The following ATM variants were observed in gnomAD, a reference collection of about 807,000 sequenced individuals.
ATM encodes the protein serine-protein kinase ATM.
A neutral mutation model predicts 387.0 loss-of-function variants in ATM; 308 were observed. The observed-to-expected ratio is 0.80, with a 90% confidence interval of 0.73 to 0.87. ATM has a LOEUF of 0.87. Ranked by LOEUF, ATM falls within the 40% of genes least tolerant of loss-of-function variation. The probability of loss-of-function intolerance (pLI) is 0.00; values close to 1 mark genes in which losing one functional copy is unlikely to be tolerated. For missense variants in ATM, 3,312 were observed against 3,560.9 expected, an observed-to-expected ratio of 0.93 and a Z score of 1.78; for synonymous variants, 1,156 against 1,187.3, an observed-to-expected ratio of 0.97 and a Z score of 0.54.
chr11:108,259,430 G>T (rs2080725764), intron 16 of ATM, among the ~76,000 whole-genome samples: 1 of 152,178 alleles, frequency 6.6e-6, no homozygotes, highest in Non-Finnish European at 1.5e-5. Flanking sequence ...AGGTTGCAGT[G>T]AGCGAAGATC....
In ATM at chr11:108,229,223, A is replaced by G. The variant is rs2135034439; in HGVS notation, c.231A>G (p.Ile77Met). 1 of 1,613,648 alleles carries G rather than the reference A, an allele frequency of 6.2e-7. No homozygotes were observed. The highest frequency in any genetic ancestry group is 1.1e-5 in the South Asian group (1 of 90,922). Reference sequence around the variant, plus strand: ...AGAAAGAAACAGAATGTCTGAGAATAGCAAAACCAAATGTATCAGCCTCAA... The same window carrying G: ...AGAAAGAAACAGAATGTCTGAGAATGGCAAAACCAAATGTATCAGCCTCAA... ...YIQKETECLR[I>M]AKPNVSASTQ... is the part of the protein sequence containing the mutation. The change falls in exon 4 of 63, where the codon ATA (isoleucine) becomes ATG (methionine). Residue 77 changes from isoleucine (I) to methionine (M), a missense_variant. By Grantham distance (10) the Ile-to-Met change is conservative. Coordinates refer to ENST00000675843, the MANE Select transcript of ATM (RefSeq NM_000051.4).
chr11:108,289,531 A>T, intron 28 of ATM, 71 bp from the exon 29 acceptor site: 1 of 1,148,042 alleles, frequency 8.7e-7, no homozygotes, highest in Non-Finnish European at 1.2e-6. Flanking sequence ...TTGAAGAAAA[A>T]ATATAAAGTG....
rs199915459 is a variant in ATM, at chr11:108,331,989, A to C, written c.7740A>C (p.Arg2580Ser). 134 of 1,614,098 alleles carry C rather than the reference A, an allele frequency of 8.3e-5. No individual in the cohort carries two copies. In the Admixed American group the frequency reaches 9.0e-4, roughly 11 times the overall value. The change falls in exon 52 of 63, where the codon AGA (arginine) becomes AGC (serine). Residue 2580 changes from arginine (R) to serine (S), a missense_variant. Physicochemically the swap from Arg to Ser is moderately radical, Grantham distance 110. This residue lies in a region of ATM where 1,405 missense variants were observed against 1,604.4 expected (regional missense o/e 0.88). Transcript: ENST00000675843. ...EFLTKPEVAR[R>S]SRITKNVPKQ... is the part of the protein sequence containing the mutation. ...TGACTAAACCAGAGGTAGCCAGAAG[A>C]AGCAGAATAACTAAAAATGTGCCTA...
intron 56 of ATM, 61 bp from the exon 57 acceptor site, chr11:108,343,161 G>T (rs2136934854): frequency 6.3e-7 from 1 of 1,592,802 alleles, no homozygotes; most frequent in Non-Finnish European, 8.6e-7. Flanking sequence ...ATAGCTGAAT[G>T]ATCATCAAAT....
At chr11:108,287,818 C>G in intron 27 of ATM, 103 bp downstream of exon 27, 1 of 826,342 alleles carries the variant, frequency 1.2e-6, no homozygotes, top group Non-Finnish European at 1.9e-6. Context: ...ATAGACATCA[C>G]TCTTTTTAAA....
rs770590652 is a variant in ATM at position 108,292,759 on chromosome 11, C to A, written c.4577C>A (p.Pro1526His). The A allele has an allele frequency of 1.9e-6, 3 of 1,613,736 alleles. No individual in the cohort carries two copies. The highest frequency in any genetic ancestry group is 2.7e-5 in the African/African-American group (2 of 74,834). Residue 1526 changes from proline (P) to histidine (H), a missense_variant, in exon 30 of 63, where the codon CCC becomes CAC. Pro to His is a moderately conservative substitution (Grantham distance 77). This residue lies in a region of ATM where 1,791 missense variants were observed against 1,804.5 expected (regional missense o/e 0.99). Coordinates refer to ENST00000675843, the MANE Select transcript of ATM (RefSeq NM_000051.4). Reference sequence around the variant, plus strand: ...CATGTTATTGTTGGTACACTTATACCCCTTGTGTATGAGCAGGTGGAGGTT... The same window carrying A: ...CATGTTATTGTTGGTACACTTATACACCTTGTGTATGAGCAGGTGGAGGTT... Reference protein sequence around the residue: ...HLHVIVGTLIPLVYEQVEVQK... With the variant: ...HLHVIVGTLIHLVYEQVEVQK...
chr11:108,341,326 C>T (rs1423078372), intron 56 of ATM, among the ~76,000 whole-genome samples: 1 of 152,108 alleles, frequency 6.6e-6, no homozygotes, highest in Non-Finnish European at 1.5e-5. Flanking sequence ...AGGCCTCCGA[C>T]CATGTTGCCA....
chr11:108,310,143 A>G lies in ATM; in HGVS notation c.5763-17A>G. ...AGTTTAAAAAAGTGAATGACATTAT[A>G]TCTCATTTTTCTTTAGACCTTCTTC... On this transcript the variant is annotated splice_polypyrimidine_tract_variant and intron_variant, in intron 38 of 62. Transcript: ENST00000675843. 1.2e-6 allele frequency: 2 copies of G among 1,608,434 alleles called. No homozygotes were observed. Among genetic ancestry groups the G allele is most frequent in the African/African-American group, 2.7e-5 (2 of 74,864 alleles).
intron 59 of ATM, among the ~76,000 whole-genome samples, chr11:108,350,990 C>G (rs2089136472): frequency 6.6e-6 from 1 of 152,048 alleles, no homozygotes; most frequent in African/African-American, 2.4e-5. Context: ...TCATAATAGC[C>G]CCTAACTGGA....
intron 37 of ATM, among the ~76,000 whole-genome samples, chr11:108,306,151 T>A (rs2083677811): frequency 6.6e-6 from 1 of 152,236 alleles, no homozygotes; most frequent in Admixed American, 6.5e-5. Context: ...TTATATTTTA[T>A]GTATTTTATT....
intron 1 of ATM, chr11:108,224,696 A>G (rs1226878366): frequency 6.6e-6 from 1 of 151,352 alleles, no homozygotes; most frequent in Non-Finnish European, 1.5e-5. Context: ...TTTATTATAA[A>G]CTCCTCTGAG....
At chr11:108,323,830 C>T (rs662578) in intron 45 of ATM, among the ~76,000 whole-genome samples, 81,648 of 151,990 alleles carry the variant, frequency 0.54, 22,530 homozygotes, top group Middle Eastern at 0.74. Flanking sequence ...AGATTACATT[C>T]CATTCATATA....
chr11:108,253,966 A>G lies in ATM; in HGVS notation c.2051A>G (p.Gln684Arg), dbSNP rs772393149. 6.8e-6 allele frequency: 11 copies of G among 1,614,002 alleles called. No homozygotes were observed. In the Admixed American group the frequency reaches 1.0e-4, roughly 15 times the overall value. ...TCCAGTATTGGCTTCTCTGTCCACC[A>G]GAATCTCAAGGAATCACTGGATCGC... ...HQSSIGFSVH[Q>R]NLKESLDRCL... The change falls in exon 13 of 63, where the codon CAG (glutamine) becomes CGG (arginine). Residue 684 changes from glutamine to arginine, a missense_variant. By Grantham distance (43) the Gln-to-Arg change is conservative (BLOSUM62 1). Coordinates refer to ENST00000675843, the MANE Select transcript of ATM (RefSeq NM_000051.4).
Position 108,354,893 on chromosome 11 carries a change from A to G in ATM, c.8850+19A>G, listed in dbSNP as rs1258433978. On this transcript the variant is annotated intron_variant, in intron 61 of 62. Coordinates refer to ENST00000675843, the MANE Select transcript of ATM (RefSeq NM_000051.4). ...TGTAGAGGTAAAGTATTTTATAAGG[A>G]AGACTTTATTTTTTTTCTTACCAGG... The G allele has an allele frequency of 6.2e-7, 1 of 1,600,536 alleles. No individual in the cohort carries two copies. Among genetic ancestry groups the G allele is most frequent in the South Asian group, 1.1e-5 (1 of 90,860 alleles).
chr11:108,244,160 T>A lies in ATM; in HGVS notation c.662+42T>A, dbSNP rs762688194. On this transcript the variant is annotated intron_variant, in intron 6 of 62. Coordinates refer to ENST00000675843, the MANE Select transcript of ATM (RefSeq NM_000051.4). Reference sequence around the variant, plus strand: ...TTCTTTTGTTTTGTATTGAAATACTTTTGATCTTGCAAGACCATGTTTTAG... The same window carrying A: ...TTCTTTTGTTTTGTATTGAAATACTATTGATCTTGCAAGACCATGTTTTAG... 56 of 1,606,976 alleles carry A rather than the reference T, an allele frequency of 3.5e-5. 1 individual carries two copies. Among genetic ancestry groups the A allele is most frequent in the Non-Finnish European group, 4.7e-5 (55 of 1,174,506 alleles).
At chr11:108,304,913 A>C in intron 37 of ATM, 61 bp downstream of exon 37, 1 of 1,558,836 alleles carries the variant, frequency 6.4e-7, no homozygotes, top group Non-Finnish European at 8.8e-7. Context: ...AGATGGATTT[A>C]AGATGGAATC....
intron 45 of ATM, among the ~76,000 whole-genome samples, chr11:108,324,088 C>G (rs547901616): frequency 6.6e-6 from 1 of 152,122 alleles, no homozygotes; most frequent in Admixed American, 6.5e-5. Context: ...GGGTATAACA[C>G]TTATTTACAT....
chr11:108,338,278 A>G (rs1297651199), intron 56 of ATM, among the ~76,000 whole-genome samples: 1 of 150,666 alleles, frequency 6.6e-6, no homozygotes, highest in African/African-American at 2.4e-5. Flanking sequence ...TTAAACCCGG[A>G]TGGCAGAGGT....
chr11:108,283,032 A>C (rs561000693), intron 25 of ATM, among the ~76,000 whole-genome samples, 153 bp downstream of exon 25: 24 of 152,334 alleles, frequency 1.6e-4, no homozygotes, highest in African/African-American at 5.8e-4. Flanking sequence ...GCTTCTTTTA[A>C]TAAGAATGTA....
Sources: gnomAD v4.1 joint callset for allele counts (sites outside exome capture counted in the v4.1 genomes callset) on GRCh38, gnomAD v4.1.1 for gene constraint, gnomAD v4.1.1 regional missense constraint, MANE v1.5 for transcripts, NCBI Gene and HGNC (gene_info 2026-07-23, HGNC 2026-07-21) for gene names.